RNH1: variants seen among roughly 807,000 people sequenced by gnomAD.
The protein encoded by RNH1 is ribonuclease inhibitor.
In RNH1, 38 loss-of-function variants were observed where a neutral mutation model predicts 46.1. The observed-to-expected ratio is 0.82, with a 90% CI of 0.64 to 1.08. The LOEUF (loss-of-function observed/expected upper bound fraction) is 1.08, where lower values mean the gene tolerates loss of function less well. Ranked by LOEUF, RNH1 falls within the 50% of genes least tolerant of loss-of-function variation. The pLI is 0.00. For synonymous variants in RNH1, 319 were observed against 279.1 expected (o/e 1.14, Z -1.43); for missense variants, 577 against 590.7 (o/e 0.98, Z 0.24).
chr11:503,729 A>G (rs1229922414), intron 2 of RNH1, among the ~76,000 whole-genome samples: 2 of 152,166 alleles, frequency 1.3e-5, no homozygotes, highest in Non-Finnish European at 2.9e-5. Flanking sequence ...AGGTGGCCCC[A>G]GGGTGTCCTC....
In RNH1 at chr11:498,008, C is replaced by A; in HGVS notation, c.1090G>T (p.Gly364Cys). ...EDAGVRELCQ[G>C]LGQPGSVLRV... ...AGCACAGAGCCAGGCTGGCCCAGGC[C>A]CTGGCACAGCTCCCGCACGCCCGCA... The change falls in exon 9 of 11, where the codon GGC becomes TGC. Residue 364 changes from glycine to cysteine, a missense_variant. Gly to Cys is a radical substitution (Grantham distance 159, BLOSUM62 -3). Transcript: ENST00000354420. 6.2e-7 allele frequency: 1 copy of A among 1,614,058 alleles called. No homozygotes were observed. Among genetic ancestry groups the A allele is most frequent in the Non-Finnish European group, 8.5e-7 (1 of 1,179,996 alleles).
chr11:499,320 AC>A, intron 5 of RNH1, 135 bp from the exon 6 acceptor site: 2 of 910,090 alleles, frequency 2.2e-6, no homozygotes, highest in Non-Finnish European at 3.3e-6. Flanking sequence ...GTGCTGAGGG[AC>A]CCCCACAGAC....
chr11:502,051 A>G lies in RNH1; in HGVS notation c.101+11T>C. 6.2e-7 allele frequency: 1 copy of G among 1,606,654 alleles called. No homozygotes were observed. Among genetic ancestry groups the G allele is most frequent in the Non-Finnish European group, 8.5e-7 (1 of 1,177,150 alleles). On this transcript the variant is annotated intron_variant, in intron 3 of 10. Transcript: ENST00000354420. This position sits in a 1 kb window ranked among gnomAD's most constrained non-coding sequence, Gnocchi z 5.8. Reference sequence around the variant, plus strand: ...ACCAGCACCCCAAGGCCACCCCGAGAGCAAGCGTACCTGACCACTTGGCAC... The same window carrying G: ...ACCAGCACCCCAAGGCCACCCCGAGGGCAAGCGTACCTGACCACTTGGCAC...
At chr11:500,185 C>A in intron 4 of RNH1, 186 bp from the exon 5 acceptor site, 1 of 715,236 alleles carries the variant, frequency 1.4e-6, no homozygotes. Context: ...GTGGCTCGAC[C>A]CAGGGAAACC....
intron 9 of RNH1, among the ~76,000 whole-genome samples, chr11:496,652 G>C (rs1232642862): frequency 2.6e-5 from 4 of 152,198 alleles, no homozygotes; most frequent in African/African-American, 9.7e-5. Flanking sequence ...CTGGGCGACA[G>C]AGCAAGACTC....
intron 9 of RNH1, among the ~76,000 whole-genome samples, chr11:497,111 G>A (rs1352623994): frequency 1.4e-5 from 2 of 144,828 alleles, no homozygotes; most frequent in Non-Finnish European, 1.5e-5. Context: ...CCACACTCAC[G>A]TGCTCACTCG....
rs746752054 is a variant in RNH1 at position 498,640 on chromosome 11, G to A, written c.786-13C>T. On this transcript the variant is annotated splice_polypyrimidine_tract_variant and intron_variant, in intron 7 of 10. Transcript: ENST00000354420. ...ACACTCCCAGATCCTGCAGGACATG[G>A]ACCACCACAGACTTTCCTCAGCACC... is the stretch of plus-strand genomic sequence containing the variant. 6.8e-6 allele frequency: 11 copies of A among 1,610,944 alleles called. No individual in the cohort carries two copies. In the South Asian group the frequency reaches 1.2e-4, roughly 18 times the overall value.
At chr11:506,283 T>G (rs1850262396) in intron 1 of RNH1, 1 of 152,274 alleles carries the variant, frequency 6.6e-6, no homozygotes, top group African/African-American at 2.4e-5. Flanking sequence ...TGCCTGGTTC[T>G]AAGGCCCTTC....
chr11:505,114 G>T (rs1376745100), intron 1 of RNH1, 118 bp from the exon 2 acceptor site: 1 of 151,910 alleles, frequency 6.6e-6, no homozygotes, highest in Non-Finnish European at 1.5e-5. Flanking sequence ...TCTAAAACAT[G>T]TAAAACCAAA....
At chr11:499,322 C>G in intron 5 of RNH1, 137 bp from the exon 6 acceptor site, 1 of 913,108 alleles carries the variant, frequency 1.1e-6, no homozygotes, top group Non-Finnish European at 1.7e-6. Context: ...GCTGAGGGAC[C>G]CCCACAGACT....
In RNH1 at chr11:502,363, G is replaced by T; in HGVS notation, c.-87-114C>A. 1 of 609,712 alleles carries T rather than the reference G, an allele frequency of 1.6e-6. No individual in the cohort carries two copies. The highest frequency in any genetic ancestry group is 1.9e-5 in the South Asian group (1 of 53,162). The allele number at this position is 609,712 out of a possible 1,614,324, so 37.8% of individuals were successfully genotyped here. On this transcript the variant is annotated intron_variant, in intron 2 of 10. Coordinates refer to ENST00000354420, the MANE Select transcript of RNH1 (RefSeq NM_203387.3). This position sits in a 1 kb window ranked among gnomAD's most constrained non-coding sequence, Gnocchi z 5.8. ...TTTGTCTCTGGAGCAGACATCAGGGGTGGGGCAGGGGGCAGGGACCAGCAC... is the reference window on the plus strand; with the variant it reads ...TTTGTCTCTGGAGCAGACATCAGGGTTGGGGCAGGGGGCAGGGACCAGCAC...
chr11:507,029 C>G (rs975187542), intron 1 of RNH1, 84 bp downstream of exon 1: 4 of 152,390 alleles, frequency 2.6e-5, no homozygotes, highest in Admixed American at 2.6e-4. Context: ...TCAATAGCGC[C>G]AGGCCCGCGT....
In RNH1 at chr11:494,988, T is replaced by C; in HGVS notation, c.1193A>G (p.His398Arg). Residue 398 changes from histidine (H) to arginine (R), a missense_variant, in exon 10 of 11, where the codon CAC becomes CGC. Coordinates refer to ENST00000354420, the MANE Select transcript of RNH1 (RefSeq NM_203387.3). Reference sequence around the variant, plus strand: ...GCTGAGGTCCAGCTCACGCAGGCTGTGGTTGGCCAACAGGGTTGCGGCGAG... The same window carrying C: ...GCTGAGGTCCAGCTCACGCAGGCTGCGGTTGGCCAACAGGGTTGCGGCGAG... Reference protein sequence around the residue: ...SSLAATLLANHSLRELDLSNN... With the variant: ...SSLAATLLANRSLRELDLSNN... 1.2e-6 allele frequency: 2 copies of C among 1,605,422 alleles called. No individual in the cohort carries two copies. The highest frequency in any genetic ancestry group is 1.7e-4 in the Middle Eastern group (1 of 6,036).
chr11:498,542 G>C lies in RNH1; in HGVS notation c.871C>G (p.Leu291Val). The change falls in exon 8 of 11, where the codon CTG (leucine) becomes GTG (valine). Residue 291 changes from leucine (L) to valine (V), a missense_variant. Leu to Val is a conservative substitution (Grantham distance 32). Coordinates refer to ENST00000354420, the MANE Select transcript of RNH1 (RefSeq NM_203387.3). ...TCATCCCCCAGCTCGTTGCCGGCCA[G>C]GCTGAGCTCCTTCAGGCTCTCCTTG... ...RAKESLKELSLAGNELGDEGA... is the reference protein window; with the variant it reads ...RAKESLKELSVAGNELGDEGA... 2 of 1,613,256 alleles carry C rather than the reference G, an allele frequency of 1.2e-6. No homozygotes were observed. The highest frequency in any genetic ancestry group is 1.7e-6 in the Non-Finnish European group (2 of 1,180,014).
chr11:498,237 A>T (rs1278445653), intron 8 of RNH1, 96 bp from the exon 9 acceptor site: 17 of 1,406,802 alleles, frequency 1.2e-5, no homozygotes, highest in Non-Finnish European at 1.6e-5. Context: ...GGACCTGAGC[A>T]AAAACATCTG....
Position 501,973 on chromosome 11 carries a change from C to G in RNH1, c.101+89G>C. On this transcript the variant is annotated intron_variant, in intron 3 of 10. Coordinates refer to ENST00000354420, the MANE Select transcript of RNH1 (RefSeq NM_203387.3). The surrounding 1 kb of genome is among the most constrained non-coding windows in gnomAD (Gnocchi z 4.1). ...TCATACTTCATGTCCACAAACAAGGCGTTCCAGAGCAATGCACCCTTCAGA... is the reference window on the plus strand; with the variant it reads ...TCATACTTCATGTCCACAAACAAGGGGTTCCAGAGCAATGCACCCTTCAGA... 1 of 769,846 alleles carries G rather than the reference C, an allele frequency of 1.3e-6. No homozygotes were observed. The highest frequency in any genetic ancestry group is 2.2e-6 in the Non-Finnish European group (1 of 454,366). 47.7% of individuals were successfully genotyped at this position (769,846 alleles called of 1,614,324 possible).
At chr11:499,344 C>CTGT (rs1849505471) in intron 5 of RNH1, 159 bp from the exon 6 acceptor site, 1 of 761,476 alleles carries the variant, frequency 1.3e-6, no homozygotes, top group African/African-American at 1.7e-5. Flanking sequence ...ATCCAGAGGC[C>CTGT]CGGGCCTCTG....
chr11:506,918 G>T (rs557656307), intron 1 of RNH1, 195 bp downstream of exon 1: 1 of 152,090 alleles, frequency 6.6e-6, no homozygotes, highest in Non-Finnish European at 1.5e-5. Context: ...CGGCGCAGCT[G>T]CCCAGCGCAA....
In RNH1 at chr11:500,537, C is replaced by T; in HGVS notation, c.219G>A (p.Val73=). 1 of 1,610,674 alleles carries T rather than the reference C, an allele frequency of 6.2e-7. No individual in the cohort carries two copies. ...LRSNELGDVG[V]HCVLQGLQTP... is the part of the protein sequence containing the mutation. Reference sequence around the variant, plus strand: ...TCTGCAGGCCCTGGAGCACGCAATGCACGCCGACATCGCCCAGCTCGTTGC... The same window carrying T: ...TCTGCAGGCCCTGGAGCACGCAATGTACGCCGACATCGCCCAGCTCGTTGC... Residue 73 remains valine, a synonymous_variant, in exon 4 of 11, where the codon GTG becomes GTA. Coordinates refer to ENST00000354420, the MANE Select transcript of RNH1 (RefSeq NM_203387.3).
Sources: allele counts gnomAD v4.1 joint callset (sites outside exome capture counted in the v4.1 genomes callset), GRCh38; gene constraint gnomAD v4.1.1; non-coding constraint Gnocchi (gnomAD v3.1); transcripts MANE v1.5; gene names NCBI Gene and HGNC (gene_info 2026-07-23, HGNC 2026-07-21).